The following TAFA1 variants were observed in gnomAD, a reference collection of about 807,000 sequenced individuals.
TAFA1 encodes the protein TAFA chemokine like family member 1.
A neutral mutation model predicts 18.5 loss-of-function variants in TAFA1; 4 were observed. The ratio of observed to expected loss-of-function variants is 0.22; its 90% CI spans 0.11 to 0.49. TAFA1 has a LOEUF of 0.49. TAFA1 is among the 20% of genes least tolerant of loss of function. The pLI, the probability that TAFA1 is intolerant of heterozygous loss-of-function variation, is 0.98. For synonymous variants in TAFA1, 56 were observed against 55.2 expected (o/e 1.01, Z -0.06); for missense variants, 147 against 169.0 (o/e 0.87, Z 0.72).
At chr3:68,432,706 G>A (rs942743948) in intron 3 of TAFA1, among the ~76,000 whole-genome samples, 3 of 151,956 alleles carry the variant, frequency 2.0e-5, no homozygotes, top group Middle Eastern at 3.2e-3. Context: ...AGGTACTGAG[G>A]ACATCTTCTA....
At chr3:68,120,206 T>TTTCC in intron 2 of TAFA1, among the ~76,000 whole-genome samples, 1 of 111,704 alleles carries the variant, frequency 9.0e-6, no homozygotes, top group Non-Finnish European at 1.8e-5. Flanking sequence ...TCTTTCTTTC[T>TTTCC]TTCTTTCTTT....
chr3:68,389,931 G>A (rs1482228416), intron 2 of TAFA1, among the ~76,000 whole-genome samples: 1 of 152,152 alleles, frequency 6.6e-6, no homozygotes, highest in Non-Finnish European at 1.5e-5. Context: ...AAATTGGGCA[G>A]CCATATGGGC....
intron 2 of TAFA1, among the ~76,000 whole-genome samples, chr3:68,277,965 G>A (rs528992285): frequency 2.2e-4 from 34 of 152,222 alleles, no homozygotes; most frequent in African/African-American, 8.2e-4. Flanking sequence ...TCGTAACATA[G>A]ATTCTCTCAA....
intron 4 of TAFA1, among the ~76,000 whole-genome samples, chr3:68,541,926 T>C (rs2073383454): frequency 6.6e-6 from 1 of 152,154 alleles, no homozygotes; most frequent in Non-Finnish European, 1.5e-5. Context: ...ATGGTGTTCA[T>C]TTTTTAAGGA....
At chr3:68,104,076 T>C (rs897445612) in intron 2 of TAFA1, among the ~76,000 whole-genome samples, 1 of 152,172 alleles carries the variant, frequency 6.6e-6, no homozygotes, top group African/African-American at 2.4e-5. Context: ...TAATGTTAGA[T>C]CATCTTGTGT....
intron 2 of TAFA1, among the ~76,000 whole-genome samples, chr3:68,395,346 G>C (rs145725400): frequency 2.6e-5 from 4 of 152,282 alleles, no homozygotes; most frequent in Non-Finnish European, 5.9e-5. Context: ...GTTGGTGAGA[G>C]TGTAAATTAG....
intron 2 of TAFA1, among the ~76,000 whole-genome samples, chr3:68,031,807 A>G (rs1704940430): frequency 6.6e-6 from 1 of 152,134 alleles, no homozygotes; most frequent in Non-Finnish European, 1.5e-5. Flanking sequence ...GATGACTTCT[A>G]TCTTCTATTA....
At chr3:68,245,042 T>C (rs2067049607) in intron 2 of TAFA1, among the ~76,000 whole-genome samples, 1 of 152,214 alleles carries the variant, frequency 6.6e-6, no homozygotes, top group Admixed American at 6.5e-5. Context: ...CTTTATTTTG[T>C]TGTATAGTCA....
intron 2 of TAFA1, among the ~76,000 whole-genome samples, chr3:68,405,696 T>C (rs1356294000): frequency 2.5e-5 from 1 of 39,962 alleles, no homozygotes; most frequent in Non-Finnish European, 4.4e-5. Flanking sequence ...TGAGACTCTA[T>C]CTCAAAAAAA....
At chr3:68,361,244 A>G (rs766590215) in intron 2 of TAFA1, among the ~76,000 whole-genome samples, 4 of 152,024 alleles carry the variant, frequency 2.6e-5, no homozygotes, top group Non-Finnish European at 5.9e-5. Flanking sequence ...CCGAACACAG[A>G]AAGATAGATG....
At chr3:68,047,160 C>G in intron 2 of TAFA1, among the ~76,000 whole-genome samples, 1 of 151,042 alleles carries the variant, frequency 6.6e-6, no homozygotes, top group East Asian at 1.9e-4. Context: ...AAAGCACCGA[C>G]AGTGAGAGCA....
At chr3:68,500,364 A>C (rs911297745) in intron 3 of TAFA1, among the ~76,000 whole-genome samples, 3 of 152,186 alleles carry the variant, frequency 2.0e-5, no homozygotes, top group Admixed American at 2.0e-4. Flanking sequence ...AAAGGACATA[A>C]AATATAAGCC....
chr3:68,434,615 C>T (rs766837893), intron 3 of TAFA1, among the ~76,000 whole-genome samples: 1 of 152,008 alleles, frequency 6.6e-6, no homozygotes, highest in African/African-American at 2.4e-5. Context: ...CTGGAAGGCA[C>T]AAAACATGTA....
intron 2 of TAFA1, among the ~76,000 whole-genome samples, chr3:68,265,781 G>T (rs1008259781): frequency 1.1e-4 from 16 of 152,156 alleles, no homozygotes; most frequent in Non-Finnish European, 2.1e-4. Flanking sequence ...AGCTGAGTCA[G>T]CCTTCTACAT....
intron 2 of TAFA1, among the ~76,000 whole-genome samples, chr3:68,393,610 C>T (rs377117478): frequency 6.6e-6 from 1 of 152,112 alleles, no homozygotes; most frequent in African/African-American, 2.4e-5. Context: ...TGCAAAAATC[C>T]TCTATAATAT....
At chr3:68,263,559 T>C (rs1410444178) in intron 2 of TAFA1, among the ~76,000 whole-genome samples, 2 of 151,414 alleles carry the variant, frequency 1.3e-5, no homozygotes, top group Non-Finnish European at 2.9e-5. Context: ...GAAGGGGTGA[T>C]AGAGATTTCA....
chr3:68,417,570 T>G (rs1235014013), intron 3 of TAFA1, 150 bp downstream of exon 3: 2 of 731,740 alleles, frequency 2.7e-6, no homozygotes, highest in Non-Finnish European at 4.4e-6. Context: ...CAGCAGAGTT[T>G]GAATTCTTTT....
chr3:68,035,848 A>G (rs980979471), intron 2 of TAFA1, among the ~76,000 whole-genome samples: 1 of 152,232 alleles, frequency 6.6e-6, no homozygotes. Context: ...ATAAAATGGA[A>G]CAAACTACAG....
At chr3:68,156,714 C>T (rs72922467) in intron 2 of TAFA1, among the ~76,000 whole-genome samples, 6,149 of 152,062 alleles carry the variant, frequency 0.04, 389 homozygotes, top group African/African-American at 0.14. Context: ...TGAACAGCAT[C>T]ATTTTCATCT....
Sources: gnomAD v4.1 joint callset for allele counts (sites outside exome capture counted in the v4.1 genomes callset) on GRCh38, gnomAD v4.1.1 for gene constraint, MANE v1.5 for transcripts, NCBI Gene and HGNC (gene_info 2026-07-23, HGNC 2026-07-21) for gene names.